TGFBRAP1: variants seen among roughly 807,000 people sequenced by gnomAD.
The protein encoded by TGFBRAP1 is transforming growth factor-beta receptor-associated protein 1.
Under a neutral mutation model 83.2 loss-of-function variants are expected in TGFBRAP1, and 20 were observed. The ratio of observed to expected loss-of-function variants is 0.24; its 90% CI spans 0.17 to 0.35. The LOEUF is 0.35. Among genes scored for constraint, TGFBRAP1 ranks in the 10% least tolerant of loss-of-function variants. The pLI is 1.00. For missense variants in TGFBRAP1, 950 were observed against 1,099.4 expected (o/e 0.86, Z 1.92); for synonymous variants, 415 against 459.8 (o/e 0.90, Z 1.25).
At chr2:105,256,901 T>C in the TGFBRAP1 span, among the ~76,000 whole-genome samples, 4 of 152,222 alleles carry the variant, frequency 2.6e-5, no homozygotes, top group Non-Finnish European at 4.4e-5. Context: ...AAGATGGCGA[T>C]GAGAGTGACC....
chr2:105,257,179 G>C, the TGFBRAP1 span, among the ~76,000 whole-genome samples: 3 of 152,004 alleles, frequency 2.0e-5, no homozygotes, highest in Non-Finnish European at 2.9e-5. Flanking sequence ...ATTATTTCTT[G>C]TGCGAGATCC....
chr2:105,312,272 G>A (rs1032885523), intron 1 of TGFBRAP1, among the ~76,000 whole-genome samples: 1 of 151,572 alleles, frequency 6.6e-6, no homozygotes, highest in South Asian at 2.1e-4. Flanking sequence ...GACCAGCCTG[G>A]GCAAAATATT....
At chr2:105,327,678 T>G (rs1169868053) in intron 1 of TGFBRAP1, among the ~76,000 whole-genome samples, 1 of 152,172 alleles carries the variant, frequency 6.6e-6, no homozygotes, top group African/African-American at 2.4e-5. Context: ...GCTGCCTAAA[T>G]GAAGAATGGG....
intron 4 of TGFBRAP1, among the ~76,000 whole-genome samples, chr2:105,294,307 G>T (rs1477457773): frequency 2.7e-5 from 4 of 147,990 alleles, no homozygotes; most frequent in African/African-American, 1.0e-4. Context: ...TAGGAGTGAG[G>T]GTGTGTGTGT....
At chr2:105,328,664 G>A (rs1409557044) in intron 1 of TGFBRAP1, among the ~76,000 whole-genome samples, 3 of 152,172 alleles carry the variant, frequency 2.0e-5, no homozygotes, top group African/African-American at 4.8e-5. Context: ...AATCACACCC[G>A]CAGCTGCCTT....
intron 10 of TGFBRAP1, among the ~76,000 whole-genome samples, chr2:105,271,428 G>A (rs552113099): frequency 6.6e-6 from 1 of 152,288 alleles, no homozygotes; most frequent in Non-Finnish European, 1.5e-5. Flanking sequence ...AGTCAGGGAC[G>A]GTGGCTGTGA....
intron 6 of TGFBRAP1, among the ~76,000 whole-genome samples, chr2:105,279,089 C>G (rs892923970): frequency 2.0e-5 from 3 of 152,046 alleles, no homozygotes; most frequent in African/African-American, 7.2e-5. Flanking sequence ...GCTGAGGGAT[C>G]ACCCAACCCC....
At chr2:105,272,560 G>A (rs1468937533) in intron 10 of TGFBRAP1, among the ~76,000 whole-genome samples, 1 of 152,172 alleles carries the variant, frequency 6.6e-6, no homozygotes, top group Non-Finnish European at 1.5e-5. Flanking sequence ...CTCCCTGCAA[G>A]GAGGCTGACT....
At chr2:105,294,687 A>G (rs1357949623) in intron 4 of TGFBRAP1, among the ~76,000 whole-genome samples, 2 of 152,236 alleles carry the variant, frequency 1.3e-5, no homozygotes, top group African/African-American at 4.8e-5. Flanking sequence ...ACAAACAAAC[A>G]AAAAAACCCT....
chr2:105,250,059 G>A, the TGFBRAP1 span, among the ~76,000 whole-genome samples: 1 of 152,198 alleles, frequency 6.6e-6, no homozygotes, highest in Non-Finnish European at 1.5e-5. Flanking sequence ...CTTCATCTGG[G>A]AGGAGCAGGG....
chr2:105,258,822 C>G, the TGFBRAP1 span, among the ~76,000 whole-genome samples: 1 of 152,052 alleles, frequency 6.6e-6, no homozygotes, highest in Non-Finnish European at 1.5e-5. Context: ...AGAACCCTGC[C>G]TGTTGCAATG....
At chr2:105,267,638 T>A in intron 11 of TGFBRAP1, 79 bp from the exon 12 acceptor site, 2 of 1,578,962 alleles carry the variant, frequency 1.3e-6, no homozygotes, top group African/African-American at 1.3e-5. Context: ...TTTTGCAGAG[T>A]TGACATGCAT....
intron 10 of TGFBRAP1, among the ~76,000 whole-genome samples, chr2:105,270,915 A>G (rs1267831787): frequency 6.6e-6 from 1 of 152,234 alleles, no homozygotes; most frequent in Non-Finnish European, 1.5e-5. Context: ...TTGGGCTGGA[A>G]TCGTTTTTAC....
intron 5 of TGFBRAP1, among the ~76,000 whole-genome samples, chr2:105,282,209 G>GT (rs755825666): frequency 2.6e-5 from 4 of 152,296 alleles, no homozygotes; most frequent in East Asian, 3.9e-4. Flanking sequence ...CAGGCACTGG[G>GT]TTACCCTTCC....
chr2:105,252,325 A>G, the TGFBRAP1 span, among the ~76,000 whole-genome samples: 13 of 152,228 alleles, frequency 8.5e-5, no homozygotes, highest in Non-Finnish European at 1.8e-4. Context: ...GGGAAGCTTA[A>G]TTTGCTTTGA....
chr2:105,315,022 T>A (rs1678811421), intron 1 of TGFBRAP1, among the ~76,000 whole-genome samples: 1 of 151,698 alleles, frequency 6.6e-6, no homozygotes, highest in Non-Finnish European at 1.5e-5. Context: ...AACATTACTG[T>A]TTACATAGAA....
chr2:105,267,139 T>C lies in TGFBRAP1; in HGVS notation c.*244A>G, dbSNP rs1222267601. On this transcript the variant is annotated 3_prime_UTR_variant, in exon 12 of 12. Transcript: ENST00000393359. ...GTACCTGGACAGGTGAACTCTTGTA[T>C]GTTTCTGTTTTGGGGATTTTTAGGG... is the stretch of plus-strand genomic sequence containing the variant. 1.9e-6 allele frequency: 1 copy of C among 522,894 alleles called. No homozygotes were observed. The highest frequency in any genetic ancestry group is 3.3e-6 in the Non-Finnish European group (1 of 300,380). The allele number at this position is 522,894 out of a possible 1,614,324, so 32.4% of individuals were successfully genotyped here.
intron 11 of TGFBRAP1, among the ~76,000 whole-genome samples, chr2:105,268,087 G>A (rs1444899095): frequency 6.6e-6 from 1 of 152,168 alleles, no homozygotes; most frequent in African/African-American, 2.4e-5. Flanking sequence ...AATGCCATCG[G>A]TCCCTGTCTG....
chr2:105,278,587 T>C (rs914372225), intron 6 of TGFBRAP1, among the ~76,000 whole-genome samples: 12 of 152,084 alleles, frequency 7.9e-5, no homozygotes, highest in African/African-American at 2.7e-4. Flanking sequence ...TCCTCACCTA[T>C]AAATGGAAAA....
Sources: allele counts gnomAD v4.1 joint callset (sites outside exome capture counted in the v4.1 genomes callset), GRCh38; gene constraint gnomAD v4.1.1; transcripts MANE v1.5; gene names NCBI Gene and HGNC (gene_info 2026-07-23, HGNC 2026-07-21).